Variants in MYO7A observed in about 807,000 individuals in gnomAD.
The protein encoded by MYO7A is unconventional myosin-VIIa.
MYO7A carries 210 observed loss-of-function variants against 263.8 expected under a neutral mutation model. That is an observed-to-expected ratio of 0.80 (90% CI 0.71 to 0.89). The LOEUF (loss-of-function observed/expected upper bound fraction) is 0.89. Among genes scored for constraint, MYO7A ranks in the 40% least tolerant of loss-of-function variants. The pLI is 0.00. For synonymous variants in MYO7A, 1,239 were observed against 1,197.3 expected, an observed-to-expected ratio of 1.03 and a Z score of -0.72; for missense variants, 2,820 against 2,968.3, an observed-to-expected ratio of 0.95 and a Z score of 1.16.
chr11:77,172,735 TC>T lies in MYO7A; in HGVS notation c.1798-11del, dbSNP rs1555076915. 53 of 1,551,756 alleles carry T rather than the reference TC, an allele frequency of 3.4e-5. No individual in the cohort carries two copies. Among genetic ancestry groups the T allele is most frequent in the Non-Finnish European group, 4.4e-5 (50 of 1,148,750 alleles). On this transcript the variant is annotated splice_polypyrimidine_tract_variant and intron_variant, in intron 15 of 48. Transcript: ENST00000409709. The stretch of plus-strand genomic sequence containing the variant: ...GGCACAGCCCCTCCCATCGCTGCCG[TC>T]CGTCCCCCCAGGGCGCCGAGACCAG...
intron 21 of MYO7A, 104 bp downstream of exon 21, chr11:77,180,057 C>G: frequency 1.6e-6 from 2 of 1,217,532 alleles, no homozygotes. Flanking sequence ...ATAGGGGGGA[C>G]CTGCAGTTAT....
Position 77,194,471 on chromosome 11 carries a change from C to G in MYO7A, c.4270C>G (p.Pro1424Ala). The G allele has an allele frequency of 6.2e-7, 1 of 1,609,148 alleles. No individual in the cohort carries two copies. The highest frequency in any genetic ancestry group is 8.5e-7 in the Non-Finnish European group (1 of 1,177,896). Residue 1424 changes from proline to alanine, a missense_variant, in exon 32 of 49, where the codon CCC becomes GCC. Transcript: ENST00000409709. ...PTYIPDREIT[P>A]LKTLEKWAQL... ...CTACATCCCCGACCGCGAGATCACG[C>G]CCCTGAAGACGCTGGAGAAGTGGGC...
intron 4 of MYO7A, among the ~76,000 whole-genome samples, chr11:77,152,557 G>T (rs1256192683): frequency 6.6e-6 from 1 of 152,196 alleles, no homozygotes; most frequent in African/African-American, 2.4e-5. Flanking sequence ...GGCAGTGGAT[G>T]TATTGATATC....
chr11:77,171,037 A>T (rs563343337), intron 15 of MYO7A, among the ~76,000 whole-genome samples: 1 of 152,380 alleles, frequency 6.6e-6, no homozygotes, highest in South Asian at 2.1e-4. Context: ...TACTTGTGTC[A>T]TGTAGGCCCT....
chr11:77,133,493 T>G (rs782279015), intron 2 of MYO7A, among the ~76,000 whole-genome samples: 1 of 152,234 alleles, frequency 6.6e-6, no homozygotes, highest in Non-Finnish European at 1.5e-5. Flanking sequence ...TGTAATGATT[T>G]TGACTTAACA....
chr11:77,178,640 G>A (rs1954888093), intron 19 of MYO7A, among the ~76,000 whole-genome samples: 1 of 152,238 alleles, frequency 6.6e-6, no homozygotes, highest in Non-Finnish European at 1.5e-5. Flanking sequence ...AGGGGGAACA[G>A]CACTGGGCTC....
intron 2 of MYO7A, among the ~76,000 whole-genome samples, chr11:77,139,860 A>G (rs1426252501): frequency 6.6e-6 from 1 of 152,110 alleles, no homozygotes; most frequent in Non-Finnish European, 1.5e-5. Context: ...GGATCCTTAC[A>G]ACCTGCCTGC....
intron 15 of MYO7A, among the ~76,000 whole-genome samples, chr11:77,168,289 C>G (rs1555073952): frequency 3.3e-5 from 5 of 152,158 alleles, no homozygotes. Flanking sequence ...GGTCAAAGTG[C>G]AGGAGCCCAG....
intron 48 of MYO7A, among the ~76,000 whole-genome samples, chr11:77,214,306 A>G (rs147117815): frequency 0.011 from 1,721 of 152,324 alleles, 12 homozygotes; most frequent in Middle Eastern, 0.017. Flanking sequence ...GACCAAGCTC[A>G]AACTTCCAAG....
At chr11:77,206,242 A>T in intron 41 of MYO7A, 40 bp downstream of exon 41, 1 of 1,499,836 alleles carries the variant, frequency 6.7e-7, no homozygotes, top group Non-Finnish European at 9.2e-7. Context: ...TGCCCAGGAC[A>T]GGGCCGGGCT....
chr11:77,165,858 G>C (rs563662823), intron 14 of MYO7A, among the ~76,000 whole-genome samples, 198 bp from the exon 15 acceptor site: 1 of 152,252 alleles, frequency 6.6e-6, no homozygotes, highest in Admixed American at 6.5e-5. Flanking sequence ...GAGGGGAGCT[G>C]TGTCACTGGG....
At chr11:77,180,256 G>A in intron 21 of MYO7A, 118 bp from the exon 22 acceptor site, 4 of 324,158 alleles carry the variant, frequency 1.2e-5, no homozygotes, top group South Asian at 1.1e-4. Context: ...TACCTCACTT[G>A]TCCTATCAAA....
intron 24 of MYO7A, 110 bp from the exon 25 acceptor site, chr11:77,182,314 T>C (rs1210577609): frequency 6.9e-7 from 1 of 1,450,072 alleles, no homozygotes; most frequent in Non-Finnish European, 9.2e-7. Context: ...GCCTGAGGGC[T>C]GACCATGCGG....
chr11:77,175,012 C>T (rs1461597952), intron 17 of MYO7A, 98 bp downstream of exon 17: 4 of 1,475,212 alleles, frequency 2.7e-6, no homozygotes, highest in Non-Finnish European at 3.7e-6. Context: ...CGGGGCTTGA[C>T]ATCTGCTTGA....
intron 22 of MYO7A, among the ~76,000 whole-genome samples, chr11:77,180,885 A>G (rs1330683570): frequency 6.6e-6 from 1 of 152,182 alleles, no homozygotes; most frequent in Non-Finnish European, 1.5e-5. Context: ...CTAGATTTTG[A>G]AGATTTGGTG....
intron 18 of MYO7A, among the ~76,000 whole-genome samples, chr11:77,176,705 G>A (rs2135441102): frequency 6.6e-6 from 1 of 152,268 alleles, no homozygotes; most frequent in Non-Finnish European, 1.5e-5. Context: ...CATTCAGAAT[G>A]CCTCGGCTGA....
At chr11:77,166,946 G>A (rs573428626) in intron 15 of MYO7A, among the ~76,000 whole-genome samples, 41 of 152,266 alleles carry the variant, frequency 2.7e-4, no homozygotes, top group African/African-American at 9.9e-4. Flanking sequence ...TAGTTTCTCT[G>A]TGGTTATTCA....
Position 77,147,827 on chromosome 11 carries a change from G to T in MYO7A, c.162G>T (p.Thr54=). Residue 54 remains threonine (T), a synonymous_variant, in exon 4 of 49, where the codon ACG becomes ACT. Coordinates refer to ENST00000409709, the MANE Select transcript of MYO7A (RefSeq NM_000260.4). ...NEHWISPQNA[T]HIKPMHPTSV... Reference sequence around the variant, plus strand: ...ACTGGATCTCTCCGCAGAACGCAACGCACATCAAGCCTATGCACCCCACGT... The same window carrying T: ...ACTGGATCTCTCCGCAGAACGCAACTCACATCAAGCCTATGCACCCCACGT... 6.2e-7 allele frequency: 1 copy of T among 1,610,412 alleles called. No homozygotes were observed. The highest frequency in any genetic ancestry group is 1.3e-5 in the African/African-American group (1 of 74,988).
intron 31 of MYO7A, among the ~76,000 whole-genome samples, chr11:77,193,104 ATGC>A (rs1956308792): frequency 3.7e-5 from 3 of 81,596 alleles, no homozygotes; most frequent in African/African-American, 1.3e-4. Flanking sequence ...GGAGGTAGTG[ATGC>A]TGTTGGTGAT....
Sources: gnomAD v4.1 joint callset for allele counts (sites outside exome capture counted in the v4.1 genomes callset) on GRCh38, gnomAD v4.1.1 for gene constraint, MANE v1.5 for transcripts, NCBI Gene and HGNC (gene_info 2026-07-23, HGNC 2026-07-21) for gene names.